The following TTLL13 variants were observed in gnomAD, a reference collection of about 807,000 sequenced individuals.
The protein encoded by TTLL13 is tubulin polyglutamylase TTLL13.
the TTLL13 span, chr15:90,253,422 T>G: frequency 1.5e-6 from 2 of 1,363,626 alleles, no homozygotes; most frequent in Non-Finnish European, 2.0e-6. Context: ...GAATGACTAT[T>G]CCCACCTCCT....
the TTLL13 span, among the ~76,000 whole-genome samples, chr15:90,256,540 T>C: frequency 1.3e-4 from 19 of 151,714 alleles, no homozygotes; most frequent in Admixed American, 7.2e-4. Context: ...CTCTGTCTCC[T>C]TCCTTTTTCT....
the TTLL13 span, chr15:90,259,040 G>A: frequency 1.9e-6 from 3 of 1,569,156 alleles, no homozygotes; most frequent in Admixed American, 5.6e-5. Context: ...ACAACTTTTT[G>A]CATAGATAAT....
the TTLL13 span, chr15:90,264,903 G>A: frequency 1.3e-6 from 2 of 1,536,030 alleles, no homozygotes; most frequent in Non-Finnish European, 1.7e-6. Flanking sequence ...GTTCCCCTCT[G>A]CCCTGCGTCT....
the TTLL13 span, among the ~76,000 whole-genome samples, chr15:90,261,236 G>C: frequency 6.6e-6 from 1 of 151,500 alleles, no homozygotes. Flanking sequence ...ACGCCACCAA[G>C]CCCAGATAAT....
At chr15:90,256,622 CTTCCTTCCTTCCTTCCTTCT>C in the TTLL13 span, among the ~76,000 whole-genome samples, 393 of 50,206 alleles carry the variant, frequency 7.8e-3, 5 homozygotes, top group African/African-American at 0.013. Flanking sequence ...TCCTTCCTTC[CTTCCTTCCTTCCTTCCTTCT>C]TTCTTTCTCC....
chr15:90,264,006 G>A, the TTLL13 span: 14 of 1,536,132 alleles, frequency 9.1e-6, no homozygotes, highest in Non-Finnish European at 1.2e-5. Context: ...CATTGTCAAT[G>A]AAGAAGGCTG....
chr15:90,263,933 G>A, the TTLL13 span: 20 of 1,507,904 alleles, frequency 1.3e-5, no homozygotes, highest in East Asian at 2.0e-4. Context: ...CATGTTCCCC[G>A]GTACCATCTG....
At chr15:90,258,770 G>C in the TTLL13 span, 17 of 1,614,174 alleles carry the variant, frequency 1.1e-5, no homozygotes, top group Admixed American at 2.8e-4. Context: ...CTTTACCACG[G>C]ACTCATGCCT....
the TTLL13 span, chr15:90,265,256 C>A: frequency 5.5e-6 from 7 of 1,279,138 alleles, no homozygotes; most frequent in Non-Finnish European, 6.9e-6. Flanking sequence ...TGGGTCTGAA[C>A]CCTAGGTGCG....
At chr15:90,256,601 CTT>C in the TTLL13 span, among the ~76,000 whole-genome samples, 333 of 33,012 alleles carry the variant, frequency 0.01, 9 homozygotes, top group African/African-American at 0.033. Flanking sequence ...TTCTTTCTTT[CTT>C]TCTTTCCTTC....
chr15:90,259,805 C>T, the TTLL13 span, among the ~76,000 whole-genome samples: 2 of 152,230 alleles, frequency 1.3e-5, no homozygotes, highest in Non-Finnish European at 2.9e-5. Flanking sequence ...CCGTGTTGGT[C>T]ACCCATTGTT....
chr15:90,261,299 G>A, the TTLL13 span, among the ~76,000 whole-genome samples: 15 of 150,248 alleles, frequency 1.0e-4, no homozygotes, highest in South Asian at 8.4e-4. Flanking sequence ...GGCTGGTCTC[G>A]AATTCCCAAC....
At chr15:90,250,033 C>G in the TTLL13 span, among the ~76,000 whole-genome samples, 1 of 151,646 alleles carries the variant, frequency 6.6e-6, no homozygotes, top group Non-Finnish European at 1.5e-5. Flanking sequence ...TCTCGGCTCA[C>G]TGCAACCTCC....
the TTLL13 span, chr15:90,263,685 A>G: frequency 4.9e-6 from 3 of 615,712 alleles, no homozygotes; most frequent in South Asian, 1.9e-5. Flanking sequence ...CCTTCTTCCA[A>G]CGCTCCATCC....
At chr15:90,254,857 A>G in the TTLL13 span, among the ~76,000 whole-genome samples, 91 of 142,704 alleles carry the variant, frequency 6.4e-4, 1 homozygote, top group African/African-American at 2.5e-3. Flanking sequence ...GGGAAGGGGG[A>G]AAAAAAAAGG....
chr15:90,251,905 C>T, the TTLL13 span, among the ~76,000 whole-genome samples: 2 of 151,864 alleles, frequency 1.3e-5, no homozygotes, highest in South Asian at 2.1e-4. Context: ...GACAGAGTCT[C>T]GCTTTGTCAT....
At chr15:90,259,046 A>G in the TTLL13 span, 2 of 1,552,454 alleles carry the variant, frequency 1.3e-6, no homozygotes, top group Non-Finnish European at 1.7e-6. Flanking sequence ...TTTTGCATAG[A>G]TAATATGTTC....
chr15:90,258,154 G>A, the TTLL13 span: 53 of 1,614,084 alleles, frequency 3.3e-5, 1 homozygote, highest in Non-Finnish European at 3.8e-5. Flanking sequence ...TCTGTTCTAC[G>A]CCACAACTAC....
At chr15:90,255,631 G>C in the TTLL13 span, 1 of 1,425,256 alleles carries the variant, frequency 7.0e-7, no homozygotes. Flanking sequence ...CCTTGGTGCA[G>C]TGCTTACCTC....
Sources: allele counts gnomAD v4.1 joint callset (sites outside exome capture counted in the v4.1 genomes callset), GRCh38; gene constraint gnomAD v4.1.1; transcripts MANE v1.5; gene names NCBI Gene and HGNC (gene_info 2026-07-23, HGNC 2026-07-21).